The following CADM2 variants were observed in gnomAD, a reference collection of about 807,000 sequenced individuals.
The protein encoded by CADM2 is cell adhesion molecule 2.
In CADM2, 12 loss-of-function variants were observed where a neutral mutation model predicts 49.8. The observed-to-expected ratio is 0.24, with a 90% CI of 0.15 to 0.39. The LOEUF is 0.39. Among genes scored for constraint, CADM2 ranks in the 10% least tolerant of loss-of-function variants. The pLI is 1.00. For synonymous variants in CADM2, 214 were observed against 175.4 expected, an observed-to-expected ratio of 1.22 and a Z score of -1.74; for missense variants, 378 against 492.3, an observed-to-expected ratio of 0.77 and a Z score of 2.20.
chr3:85,778,078 C>T (rs905703104), intron 2 of CADM2, among the ~76,000 whole-genome samples: 3 of 152,072 alleles, frequency 2.0e-5, no homozygotes, highest in Admixed American at 2.0e-4. Flanking sequence ...CCTAATTTGG[C>T]TCCTGCCCTA....
chr3:85,404,630 A>T (rs572862816), intron 1 of CADM2, among the ~76,000 whole-genome samples: 1 of 152,270 alleles, frequency 6.6e-6, no homozygotes, highest in Non-Finnish European at 1.5e-5. Context: ...TTTTAATTCT[A>T]TTTTGCAGTT....
In CADM2 at chr3:85,458,116, T is replaced by A. The variant is rs116335780; in HGVS notation, c.62-268406T>A. Among the ~76,000 whole-genome samples, 1,380 of 152,342 alleles carry A rather than the reference T, an allele frequency of 9.1e-3. 19 individuals carry two copies. Among genetic ancestry groups the A allele is most frequent in the African/African-American group, 0.03 (1,252 of 41,572 alleles). On this transcript the variant is annotated intron_variant, in intron 1 of 9. Coordinates refer to ENST00000383699, the MANE Select transcript of CADM2 (RefSeq NM_001167675.2). The stretch of plus-strand genomic sequence containing the variant: ...TTCAGGAAGCAAACGCTTGTTCTTT[T>A]GAACTTCTAAAATGCTTTATACCTC...
intron 1 of CADM2, among the ~76,000 whole-genome samples, chr3:85,130,916 C>T (rs1364821047): frequency 1.3e-5 from 2 of 152,192 alleles, no homozygotes; most frequent in East Asian, 1.9e-4. Flanking sequence ...GGCATGGTGG[C>T]TCAGGCCTGT....
chr3:85,522,961 A>G (rs1559884925), intron 1 of CADM2, among the ~76,000 whole-genome samples: 1 of 151,554 alleles, frequency 6.6e-6, no homozygotes, highest in Admixed American at 6.6e-5. Context: ...ACCAAGAAAC[A>G]GGACCACATT....
intron 1 of CADM2, among the ~76,000 whole-genome samples, chr3:85,062,642 AG>A (rs528925128): frequency 4.0e-4 from 61 of 151,862 alleles, no homozygotes; most frequent in Non-Finnish European, 8.1e-4. Flanking sequence ...TATCAATATA[AG>A]GGGTGGAATA....
intron 1 of CADM2, among the ~76,000 whole-genome samples, chr3:84,985,365 C>T (rs539739586): frequency 6.6e-6 from 1 of 151,830 alleles, no homozygotes; most frequent in African/African-American, 2.4e-5. Flanking sequence ...TTCATTAAAC[C>T]TAAGTAATAT....
intron 1 of CADM2, among the ~76,000 whole-genome samples, chr3:85,111,219 G>C (rs1176828310): frequency 4.0e-5 from 6 of 151,748 alleles, no homozygotes; most frequent in African/African-American, 7.3e-5. Flanking sequence ...TATATTATCT[G>C]TCATGAGAGA....
intron 1 of CADM2, among the ~76,000 whole-genome samples, chr3:85,304,097 A>G (rs976828217): frequency 2.6e-5 from 4 of 151,654 alleles, no homozygotes; most frequent in African/African-American, 9.7e-5. Flanking sequence ...TACATTGTAA[A>G]CTCTTGACTA....
intron 1 of CADM2, among the ~76,000 whole-genome samples, chr3:84,988,292 C>A (rs897900558): frequency 6.6e-6 from 1 of 152,206 alleles, no homozygotes; most frequent in East Asian, 1.9e-4. Context: ...CACATTTTTC[C>A]TACTTCTATT....
intron 1 of CADM2, among the ~76,000 whole-genome samples, chr3:85,347,859 G>C (rs763331611): frequency 2.0e-5 from 3 of 150,970 alleles, no homozygotes; most frequent in East Asian, 2.0e-4. Flanking sequence ...CCAGGCTGGA[G>C]TGCAGTGGCA....
At chr3:85,774,376 G>A (rs938835402) in intron 2 of CADM2, among the ~76,000 whole-genome samples, 2 of 151,668 alleles carry the variant, frequency 1.3e-5, no homozygotes, top group Non-Finnish European at 1.5e-5. Context: ...TCACAGAAAG[G>A]CAATAATTTT....
chr3:85,116,638 T>C (rs551414592), intron 1 of CADM2, among the ~76,000 whole-genome samples: 1 of 152,240 alleles, frequency 6.6e-6, no homozygotes, highest in African/African-American at 2.4e-5. Context: ...TATTTTAATA[T>C]TTATTGCTTA....
chr3:85,493,355 G>A (rs1338916157), intron 1 of CADM2, among the ~76,000 whole-genome samples: 1 of 152,004 alleles, frequency 6.6e-6, no homozygotes, highest in Admixed American at 6.6e-5. Context: ...ACTGTTAGCT[G>A]TAACCTTCCA....
chr3:85,973,186 A>G (rs9816884), intron 8 of CADM2, among the ~76,000 whole-genome samples: 5,529 of 151,790 alleles, frequency 0.036, 335 homozygotes, highest in African/African-American at 0.13. Context: ...TATCATTATC[A>G]TCAGGAGTGA....
At chr3:85,408,957 A>G (rs756093094) in intron 1 of CADM2, among the ~76,000 whole-genome samples, 18 of 152,182 alleles carry the variant, frequency 1.2e-4, no homozygotes, top group Non-Finnish European at 2.4e-4. Flanking sequence ...AAACTACATT[A>G]TGGCAATTTA....
chr3:85,547,302 C>A (rs2061690636), intron 1 of CADM2, among the ~76,000 whole-genome samples: 1 of 152,062 alleles, frequency 6.6e-6, no homozygotes. Flanking sequence ...AAAATTCAAG[C>A]TGCTATTTAT....
Position 85,482,221 on chromosome 3 carries a change from A to T in CADM2, c.62-244301A>T, listed in dbSNP as rs571407609. Reference sequence around the variant, plus strand: ...AATTTTTCACAGGCCTGCTACCAGGAGGCCTGCTACTCTAGCGTGACCTTT... The same window carrying T: ...AATTTTTCACAGGCCTGCTACCAGGTGGCCTGCTACTCTAGCGTGACCTTT... On this transcript the variant is annotated intron_variant, in intron 1 of 9. Transcript: ENST00000383699. 3.0e-3 allele frequency among the ~76,000 whole-genome samples: 453 copies of T among 151,852 alleles called. 2 individuals carry two copies. The highest frequency in any genetic ancestry group is 4.4e-3 in the Non-Finnish European group (297 of 67,784).
intron 1 of CADM2, among the ~76,000 whole-genome samples, chr3:85,499,411 T>C (rs1002742908): frequency 6.6e-6 from 1 of 152,060 alleles, no homozygotes; most frequent in Non-Finnish European, 1.5e-5. Context: ...ATTTTGACAC[T>C]CAAATTGTCT....
intron 2 of CADM2, among the ~76,000 whole-genome samples, chr3:85,788,397 C>T (rs908351854): frequency 2.6e-5 from 4 of 151,886 alleles, no homozygotes; most frequent in African/African-American, 7.3e-5. Context: ...TATTACATTC[C>T]GTAATTTAAC....
Sources: gnomAD v4.1 joint callset for allele counts (sites outside exome capture counted in the v4.1 genomes callset) on GRCh38, gnomAD v4.1.1 for gene constraint, MANE v1.5 for transcripts, NCBI Gene and HGNC (gene_info 2026-07-23, HGNC 2026-07-21) for gene names.